ITGB5: variants seen among roughly 807,000 people sequenced by gnomAD.
ITGB5 encodes integrin subunit beta 5, also known as integrin beta-5.
A neutral mutation model predicts 84.8 loss-of-function variants in ITGB5; 38 were observed. The ratio of observed to expected loss-of-function variants is 0.45; its 90% CI spans 0.35 to 0.59. The LOEUF is 0.59. Ranked by LOEUF, ITGB5 falls within the 20% of genes least tolerant of loss-of-function variation. ITGB5 has a pLI of 0.01. For missense variants in ITGB5, 905 were observed against 1,034.5 expected, an observed-to-expected ratio of 0.87 and a Z score of 1.72; for synonymous variants, 393 against 414.4, an observed-to-expected ratio of 0.95 and a Z score of 0.63.
Position 124,841,553 on chromosome 3 carries a change from T to G in ITGB5, c.612-2A>C. ...ACGCAATTTGGAAACAACTTGTAAC[T>G]AGAGAGGAAGAAGAGAAGAGTCACT... On this transcript the variant is annotated splice_acceptor_variant, in intron 4 of 14. Coordinates refer to ENST00000296181, the MANE Select transcript of ITGB5 (RefSeq NM_002213.5). LOFTEE classifies it high-confidence loss of function. 6.2e-7 allele frequency: 1 copy of G among 1,613,178 alleles called. No homozygotes were observed. The highest frequency in any genetic ancestry group is 8.5e-7 in the Non-Finnish European group (1 of 1,179,472).
chr3:124,785,212 A>AAT (rs2064063395), intron 10 of ITGB5, among the ~76,000 whole-genome samples: 1 of 152,218 alleles, frequency 6.6e-6, no homozygotes, highest in Non-Finnish European at 1.5e-5. Context: ...ACAGCACACC[A>AAT]ATCTCCTGGC....
At chr3:124,854,942 T>TA (rs2107612265) in intron 3 of ITGB5, among the ~76,000 whole-genome samples, 1 of 152,306 alleles carries the variant, frequency 6.6e-6, no homozygotes, top group African/African-American at 2.4e-5. Context: ...GGCAAAGTCT[T>TA]ATATTTCACT....
chr3:124,806,412 C>T (rs936879077), intron 9 of ITGB5, among the ~76,000 whole-genome samples: 5 of 139,110 alleles, frequency 3.6e-5, no homozygotes, highest in Admixed American at 7.3e-5. Context: ...TTTGGTATTT[C>T]TGCCTCATTC....
chr3:124,868,055 T>TC (rs1350302179), intron 2 of ITGB5, among the ~76,000 whole-genome samples: 2 of 152,148 alleles, frequency 1.3e-5, no homozygotes, highest in Non-Finnish European at 2.9e-5. Flanking sequence ...CATAAGGGGC[T>TC]CTTCCCCCTT....
At chr3:124,787,953 G>A (rs1000362644) in intron 10 of ITGB5, among the ~76,000 whole-genome samples, 1 of 145,098 alleles carries the variant, frequency 6.9e-6, no homozygotes, top group Admixed American at 7.3e-5. Flanking sequence ...TGTTGCCCAG[G>A]CTGGAGTGCA....
chr3:124,841,104 T>C (rs1193816743), intron 5 of ITGB5, among the ~76,000 whole-genome samples: 2 of 152,338 alleles, frequency 1.3e-5, no homozygotes, highest in African/African-American at 4.8e-5. Flanking sequence ...AAAAAGCCAA[T>C]GTATAAATGC....
intron 10 of ITGB5, among the ~76,000 whole-genome samples, chr3:124,775,418 GTGTT>G (rs760237331): frequency 2.0e-5 from 3 of 151,956 alleles, no homozygotes; most frequent in Non-Finnish European, 4.4e-5. Context: ...TGGAGTGTGA[GTGTT>G]TGTTCTGGAG....
Position 124,764,572 on chromosome 3 carries a change from A to G in ITGB5, c.2138-15T>C. ...GTTTCCACACTCTGGGGGGACCAGA[A>G]GCATGGTAAGCAAAGCCACTAGCAT... On this transcript the variant is annotated splice_polypyrimidine_tract_variant and intron_variant, in intron 13 of 14. Transcript: ENST00000296181. The G allele has an allele frequency of 6.3e-7, 1 of 1,592,960 alleles. No homozygotes were observed. Among genetic ancestry groups the G allele is most frequent in the Non-Finnish European group, 8.6e-7 (1 of 1,163,214 alleles).
intron 8 of ITGB5, among the ~76,000 whole-genome samples, chr3:124,810,770 A>G (rs2064486712): frequency 6.6e-6 from 1 of 152,196 alleles, no homozygotes; most frequent in Non-Finnish European, 1.5e-5. Context: ...AGAGTATAGC[A>G]TGATGTACCC....
intron 1 of ITGB5, among the ~76,000 whole-genome samples, chr3:124,879,816 A>G (rs1166567111): frequency 6.6e-6 from 1 of 152,242 alleles, no homozygotes; most frequent in African/African-American, 2.4e-5. Context: ...ATATCCATAG[A>G]AACCCTCAGG....
chr3:124,838,483 A>C (rs2064967194), intron 5 of ITGB5, among the ~76,000 whole-genome samples: 1 of 152,254 alleles, frequency 6.6e-6, no homozygotes, highest in Admixed American at 6.5e-5. Flanking sequence ...TTCTTAAAAC[A>C]TAAAACATTG....
At chr3:124,859,794 T>G (rs2065271521) in intron 2 of ITGB5, among the ~76,000 whole-genome samples, 1 of 152,166 alleles carries the variant, frequency 6.6e-6, no homozygotes, top group Non-Finnish European at 1.5e-5. Context: ...TAAAAGTTGT[T>G]ATATATTGCT....
At chr3:124,775,225 TGTGTATGA>T (rs2063906809) in intron 10 of ITGB5, among the ~76,000 whole-genome samples, 1 of 151,320 alleles carries the variant, frequency 6.6e-6, no homozygotes, top group South Asian at 2.1e-4. Flanking sequence ...CGAGTGTGAG[TGTGTATGA>T]GTGTGTGAGT....
chr3:124,763,823 A>G (rs555707278), intron 14 of ITGB5, 105 bp from the exon 15 acceptor site: 1 of 658,408 alleles, frequency 1.5e-6, no homozygotes, highest in Admixed American at 2.4e-5. Flanking sequence ...CCCCTGCGAC[A>G]GCAGCAGGCA....
intron 9 of ITGB5, among the ~76,000 whole-genome samples, chr3:124,803,680 G>A (rs1358693146): frequency 6.6e-6 from 1 of 152,202 alleles, no homozygotes; most frequent in Non-Finnish European, 1.5e-5. Context: ...GTGCGCGAGC[G>A]CTGGGCTCCC....
rs2065352398 is a variant in ITGB5 at position 124,864,247 on chromosome 3, C to T, written c.157-4801G>A. ...TCAGCCTCTGGAGTAGCTGGGACTA[C>T]AGGTGCCCGCCACCACGCCCAGTTA... On this transcript the variant is annotated intron_variant, in intron 2 of 14. Coordinates refer to ENST00000296181, the MANE Select transcript of ITGB5 (RefSeq NM_002213.5). Among the ~76,000 whole-genome samples, 5 of 151,484 alleles carry T rather than the reference C, an allele frequency of 3.3e-5. No individual in the cohort carries two copies. In the South Asian group the frequency reaches 8.4e-4, roughly 25 times the overall value.
chr3:124,767,282 C>G (rs948945207), intron 12 of ITGB5, among the ~76,000 whole-genome samples: 4 of 152,200 alleles, frequency 2.6e-5, no homozygotes, highest in African/African-American at 7.2e-5. Flanking sequence ...GAGCTGTAAC[C>G]TGGAAGCAGA....
chr3:124,772,187 G>A (rs1175187799), intron 11 of ITGB5, among the ~76,000 whole-genome samples: 1 of 152,142 alleles, frequency 6.6e-6, no homozygotes, highest in Non-Finnish European at 1.5e-5. Context: ...TCCCCGGGCT[G>A]TTTCTACTTG....
rs1353545704 is a variant in ITGB5, at chr3:124,819,720, T to G, written c.1038+19A>C. The G allele has an allele frequency of 1.3e-6, 2 of 1,558,930 alleles. No homozygotes were observed. The highest frequency in any genetic ancestry group is 1.8e-6 in the Non-Finnish European group (2 of 1,129,920). On this transcript the variant is annotated intron_variant, in intron 7 of 14. Transcript: ENST00000296181. ...CACTTCACCCCACAAATCACTAGCC[T>G]CCCTCCCTCCCAGCATACCTTGTAC...
Sources: gnomAD v4.1 joint callset for allele counts (sites outside exome capture counted in the v4.1 genomes callset) on GRCh38, gnomAD v4.1.1 for gene constraint, MANE v1.5 for transcripts, NCBI Gene and HGNC (gene_info 2026-07-23, HGNC 2026-07-21) for gene names.